The following XRCC4 variants were observed in gnomAD, a reference collection of about 807,000 sequenced individuals.
XRCC4 encodes the protein DNA repair protein XRCC4.
XRCC4 carries 28 observed loss-of-function variants against 39.1 expected under a neutral mutation model. That is an observed-to-expected ratio of 0.72 (90% CI 0.53 to 0.98). XRCC4 has a LOEUF of 0.98. Ranked by LOEUF, XRCC4 falls within the 50% of genes least tolerant of loss-of-function variation. The probability of loss-of-function intolerance (pLI) is 0.00; values close to 1 mark genes in which losing one functional copy is unlikely to be tolerated. For synonymous variants in XRCC4, 123 were observed against 126.4 expected (o/e 0.97, Z 0.18); for missense variants, 350 against 376.4 (o/e 0.93, Z 0.58).
At chr5:83,305,807 G>T (rs554031962) in intron 7 of XRCC4, among the ~76,000 whole-genome samples, 1 of 152,042 alleles carries the variant, frequency 6.6e-6, no homozygotes, top group East Asian at 1.9e-4. Context: ...ATTATACAAA[G>T]TCTCAACAAT....
intron 2 of XRCC4, among the ~76,000 whole-genome samples, chr5:83,108,410 T>G (rs185403585): frequency 1.9e-4 from 29 of 152,012 alleles, no homozygotes; most frequent in Non-Finnish European, 3.1e-4. Context: ...TACGTTTTTT[T>G]CTCCTTCAAA....
At chr5:83,359,499 CA>C in the XRCC4 span, among the ~76,000 whole-genome samples, 1 of 152,116 alleles carries the variant, frequency 6.6e-6, no homozygotes, top group Non-Finnish European at 1.5e-5. Context: ...AATTTGCACA[CA>C]GAAGCAGAGC....
chr5:83,307,299 A>G (rs1040585327), intron 7 of XRCC4, among the ~76,000 whole-genome samples: 1 of 152,160 alleles, frequency 6.6e-6, no homozygotes, highest in African/African-American at 2.4e-5. Flanking sequence ...GTCATAGAGA[A>G]TAGGTAATAT....
At chr5:83,186,280 A>G (rs1479363815) in intron 3 of XRCC4, among the ~76,000 whole-genome samples, 1 of 152,154 alleles carries the variant, frequency 6.6e-6, no homozygotes, top group African/African-American at 2.4e-5. Flanking sequence ...AAAGGAGAAA[A>G]CCGTGAATTT....
chr5:83,274,965 G>A (rs965091733), intron 7 of XRCC4, among the ~76,000 whole-genome samples: 1 of 152,180 alleles, frequency 6.6e-6, no homozygotes, highest in Non-Finnish European at 1.5e-5. Context: ...TTATCACTGT[G>A]TGGAAAATGG....
intron 6 of XRCC4, among the ~76,000 whole-genome samples, chr5:83,225,605 GAAAAAAAAAAA>G (rs869143323): frequency 3.3e-5 from 2 of 60,364 alleles, no homozygotes. Context: ...ATTTATTCCA[GAAAAAAAAAAA>G]AAAAAAAAAA....
chr5:83,142,071 A>G (rs1748206190), intron 3 of XRCC4, among the ~76,000 whole-genome samples: 1 of 151,884 alleles, frequency 6.6e-6, no homozygotes, highest in South Asian at 2.1e-4. Flanking sequence ...ATTCCTATAG[A>G]TTTTCTATAT....
rs149538864 is a variant in XRCC4, at chr5:83,345,016, A to T, written c.894-8115A>T. On this transcript the variant is annotated intron_variant, in intron 7 of 7. Transcript: ENST00000396027. ...CGCTAATGAAGTTGAGCTTATTATC[A>T]TATGTTTCTTTACCTCCATTGTTTC... Among the ~76,000 whole-genome samples, 483 of 152,218 alleles carry T rather than the reference A, an allele frequency of 3.2e-3. 2 individuals are homozygous for T. Among genetic ancestry groups the T allele is most frequent in the African/African-American group, 0.011 (457 of 41,544 alleles).
Position 83,179,416 on chromosome 5 carries a change from C to T in XRCC4, c.316-16354C>T, listed in dbSNP as rs150742278. 4.5e-3 allele frequency among the ~76,000 whole-genome samples: 679 copies of T among 152,094 alleles called. 2 individuals carry two copies. Among genetic ancestry groups the T allele is most frequent in the African/African-American group, 0.015 (625 of 41,476 alleles). ...GGTTTATCTTTGAAAAAGCTAGGGGCGGGGTTTGCCAGGGAAGTATATTAT... is the reference window on the plus strand; with the variant it reads ...GGTTTATCTTTGAAAAAGCTAGGGGTGGGGTTTGCCAGGGAAGTATATTAT... On this transcript the variant is annotated intron_variant, in intron 3 of 7. Transcript: ENST00000396027.
rs544223654 is a variant in XRCC4, at chr5:83,185,179, A to C, written c.316-10591A>C. 5.3e-5 allele frequency among the ~76,000 whole-genome samples: 8 copies of C among 152,168 alleles called. No individual in the cohort carries two copies. The East Asian group carries it at 1.5e-3, about 29-fold the overall frequency. ...TATCAGCTATAGTGTAGGACGTCTGAATGAAGAGTAAACGATGGAAAACAT... is the reference window on the plus strand; with the variant it reads ...TATCAGCTATAGTGTAGGACGTCTGCATGAAGAGTAAACGATGGAAAACAT... On this transcript the variant is annotated intron_variant, in intron 3 of 7. Coordinates refer to ENST00000396027, the MANE Select transcript of XRCC4 (RefSeq NM_003401.5).
chr5:83,301,476 C>T (rs1324332487), intron 7 of XRCC4, among the ~76,000 whole-genome samples: 1 of 152,062 alleles, frequency 6.6e-6, no homozygotes, highest in Admixed American at 6.6e-5. Flanking sequence ...GGATATCAGA[C>T]CTTTGTCAGA....
intron 6 of XRCC4, among the ~76,000 whole-genome samples, chr5:83,220,500 C>CT (rs1397545945): frequency 6.6e-6 from 1 of 152,088 alleles, no homozygotes; most frequent in Non-Finnish European, 1.5e-5. Context: ...GCCAGCGCAT[C>CT]AGCACTAACA....
At chr5:83,344,415 C>CTTTTTTTTTT (rs70973394) in intron 7 of XRCC4, among the ~76,000 whole-genome samples, 5 of 115,240 alleles carry the variant, frequency 4.3e-5, no homozygotes, top group African/African-American at 3.7e-5. Context: ...TTATTTTTCA[C>CTTTTTTTTTT]TTTTTTTTTT....
chr5:83,156,000 C>A (rs1488305543), intron 3 of XRCC4, among the ~76,000 whole-genome samples: 3 of 143,130 alleles, frequency 2.1e-5, no homozygotes, highest in Non-Finnish European at 4.6e-5. Context: ...TGTCACAGAG[C>A]AAAAATCCTC....
chr5:83,275,530 C>T (rs1754299319), intron 7 of XRCC4, among the ~76,000 whole-genome samples: 1 of 151,938 alleles, frequency 6.6e-6, no homozygotes, highest in African/African-American at 2.4e-5. Flanking sequence ...CTCCTGACCT[C>T]GTGATCCGCC....
chr5:83,168,531 G>A (rs922984422), intron 3 of XRCC4, among the ~76,000 whole-genome samples: 3 of 152,176 alleles, frequency 2.0e-5, no homozygotes, highest in Admixed American at 2.0e-4. Context: ...ATGGAAGGAA[G>A]GATGGATGGA....
At chr5:83,218,208 T>C (rs1751943294) in intron 6 of XRCC4, among the ~76,000 whole-genome samples, 2 of 112,686 alleles carry the variant, frequency 1.8e-5, no homozygotes, top group Non-Finnish European at 1.8e-5. Flanking sequence ...ACTAATGCTA[T>C]CCCTCCCCCC....
At chr5:83,267,964 C>A (rs1428871923) in intron 7 of XRCC4, among the ~76,000 whole-genome samples, 1 of 152,074 alleles carries the variant, frequency 6.6e-6, no homozygotes, top group Non-Finnish European at 1.5e-5. Flanking sequence ...ATTTGGACTT[C>A]TTTTATGAAT....
At chr5:83,208,523 T>A (rs1257976909) in intron 6 of XRCC4, among the ~76,000 whole-genome samples, 1 of 152,054 alleles carries the variant, frequency 6.6e-6, no homozygotes, top group Non-Finnish European at 1.5e-5. Context: ...TTAAGTTACA[T>A]TTTTATGAAT....
Sources: gnomAD v4.1 joint callset for allele counts (sites outside exome capture counted in the v4.1 genomes callset) on GRCh38, gnomAD v4.1.1 for gene constraint, MANE v1.5 for transcripts, NCBI Gene and HGNC (gene_info 2026-07-23, HGNC 2026-07-21) for gene names.